The following LRBA variants were observed in gnomAD, a reference collection of about 807,000 sequenced individuals.
The protein encoded by LRBA is LPS responsive beige-like anchor protein.
Under a neutral mutation model 330.0 loss-of-function variants are expected in LRBA, and 176 were observed. The ratio of observed to expected loss-of-function variants is 0.53; its 90% confidence interval spans 0.47 to 0.60. LRBA has a LOEUF of 0.60. Ranked by LOEUF, LRBA falls within the 20% of genes least tolerant of loss-of-function variation. The probability of loss-of-function intolerance (pLI) is 0.00; values close to 1 mark genes in which losing one functional copy is unlikely to be tolerated. For missense variants in LRBA, 3,259 were observed against 3,444.8 expected, an observed-to-expected ratio of 0.95 and a Z score of 1.35; for synonymous variants, 1,230 against 1,193.0, an observed-to-expected ratio of 1.03 and a Z score of -0.64.
chr4:150,761,060 A>T (rs1735014297), intron 35 of LRBA, among the ~76,000 whole-genome samples: 1 of 152,174 alleles, frequency 6.6e-6, no homozygotes, highest in Non-Finnish European at 1.5e-5. Flanking sequence ...AAGTTTGTTC[A>T]GAATACTATC....
At chr4:150,421,155 T>C (rs866173469) in intron 46 of LRBA, among the ~76,000 whole-genome samples, 1 of 122,904 alleles carries the variant, frequency 8.1e-6, no homozygotes, top group Non-Finnish European at 1.6e-5. Flanking sequence ...CATTATATTA[T>C]ATATAAAGTA....
At chr4:150,930,087 G>A (rs1024520392) in intron 2 of LRBA, among the ~76,000 whole-genome samples, 1 of 152,116 alleles carries the variant, frequency 6.6e-6, no homozygotes, top group African/African-American at 2.4e-5. Flanking sequence ...GACCGAGGCA[G>A]GCGGACCACC....
chr4:150,555,221 A>G (rs777273523), intron 40 of LRBA, among the ~76,000 whole-genome samples: 7 of 152,138 alleles, frequency 4.6e-5, no homozygotes, highest in Non-Finnish European at 7.4e-5. Context: ...TAATTGTATA[A>G]AGAAATGCTA....
chr4:150,696,659 C>T (rs1335570477), intron 36 of LRBA, among the ~76,000 whole-genome samples: 1 of 151,920 alleles, frequency 6.6e-6, no homozygotes, highest in Admixed American at 6.6e-5. Context: ...GATAACTGCT[C>T]AAAGAGTTAT....
chr4:150,748,705 T>A (rs1260723848), intron 35 of LRBA, among the ~76,000 whole-genome samples: 1 of 152,048 alleles, frequency 6.6e-6, no homozygotes, highest in Non-Finnish European at 1.5e-5. Context: ...TGGATGCTTG[T>A]TGATATGGTT....
chr4:150,661,868 C>T (rs1321062230), intron 37 of LRBA, among the ~76,000 whole-genome samples: 1 of 152,148 alleles, frequency 6.6e-6, no homozygotes, highest in African/African-American at 2.4e-5. Context: ...GATCCACGAG[C>T]ATCGGCCTCC....
chr4:150,654,968 A>C (rs1780045367), intron 37 of LRBA, among the ~76,000 whole-genome samples: 2 of 152,062 alleles, frequency 1.3e-5, no homozygotes. Flanking sequence ...GTTGGTTCCA[A>C]GTCTTTGCTA....
chr4:150,367,184 A>G (rs1290359076), intron 47 of LRBA, among the ~76,000 whole-genome samples: 1 of 152,234 alleles, frequency 6.6e-6, no homozygotes, highest in Non-Finnish European at 1.5e-5. Context: ...TTAGAAAACT[A>G]AACTTATAAT....
At chr4:150,689,594 A>G (rs891334323) in intron 36 of LRBA, among the ~76,000 whole-genome samples, 5 of 152,148 alleles carry the variant, frequency 3.3e-5, no homozygotes, top group African/African-American at 4.8e-5. Context: ...TCAGGCCCAC[A>G]TGTTTATATC....
chr4:150,724,002 CTT>C (rs1346416078), intron 36 of LRBA, among the ~76,000 whole-genome samples: 1 of 152,280 alleles, frequency 6.6e-6, no homozygotes, highest in East Asian at 1.9e-4. Context: ...GTAGGAAAGA[CTT>C]TGTATTGTGG....
intron 40 of LRBA, among the ~76,000 whole-genome samples, chr4:150,559,747 TATATATAAC>T (rs1283088568): frequency 1.1e-5 from 1 of 88,892 alleles, no homozygotes; most frequent in African/African-American, 4.7e-5. Context: ...TAATATATAA[TATATATAAC>T]ATTATAGATT....
chr4:150,670,999 GATGTGTGTGT>G (rs1032337791), intron 37 of LRBA, among the ~76,000 whole-genome samples: 1 of 67,720 alleles, frequency 1.5e-5, no homozygotes, highest in African/African-American at 6.4e-5. Flanking sequence ...CAACATAGCT[GATGTGTGTGT>G]GTGTGTGTGT....
chr4:150,848,562 G>GAAAAAA (rs9331496), intron 26 of LRBA, among the ~76,000 whole-genome samples: 40 of 120,022 alleles, frequency 3.3e-4, no homozygotes, highest in Non-Finnish European at 3.6e-4. Context: ...GGAGAAAAAA[G>GAAAAAA]AAAAAAAAAA....
At chr4:150,632,212 CAG>C (rs1777450503) in intron 37 of LRBA, among the ~76,000 whole-genome samples, 1 of 132,196 alleles carries the variant, frequency 7.6e-6, no homozygotes, top group African/African-American at 2.9e-5. Flanking sequence ...GCCTGGGAGA[CAG>C]AGTGAGACTC....
At chr4:150,664,121 T>C (rs10155442) in intron 37 of LRBA, among the ~76,000 whole-genome samples, 123,690 of 152,144 alleles carry the variant, frequency 0.81, 53,380 homozygotes, top group Non-Finnish European at 0.95. Flanking sequence ...GGTTTTTCAA[T>C]GAAGTGGTTT....
At position 150,495,323 on chromosome 4, in the gene LRBA, T is replaced by C. The variant is rs535193324; in HGVS notation, c.6331-4288A>G. Among the ~76,000 whole-genome samples the C allele has an allele frequency of 1.8e-4, 28 of 152,320 alleles. No homozygotes were observed. In the South Asian group the frequency reaches 4.4e-3, roughly 24 times the overall value. Reference sequence around the variant, plus strand: ...TATAAATGGTATCATACTGAATGTATAATGATATGCTTTTCAAGTTAAACA... The same window carrying C: ...TATAAATGGTATCATACTGAATGTACAATGATATGCTTTTCAAGTTAAACA... On this transcript the variant is annotated intron_variant, in intron 40 of 56. Coordinates refer to ENST00000651943, the MANE Select transcript of LRBA (RefSeq NM_001364905.1).
chr4:150,435,693 A>T lies in LRBA; in HGVS notation c.6937T>A (p.Tyr2313Asn). The T allele has an allele frequency of 6.2e-7, 1 of 1,606,646 alleles. No individual in the cohort carries two copies. Among genetic ancestry groups the T allele is most frequent in the Non-Finnish European group, 8.5e-7 (1 of 1,177,806 alleles). Reference sequence around the variant, plus strand: ...TTGCCTCCTTGCAAATTTAGGAAATAAGTTGTAAAGGGTTCCTAAAAAATA... The same window carrying T: ...TTGCCTCCTTGCAAATTTAGGAAATTAGTTGTAAAGGGTTCCTAAAAAATA... ...WLLRIEPFTT[Y>N]FLNLQGGKFD... is the part of the protein sequence containing the mutation. Residue 2313 changes from tyrosine to asparagine, a missense_variant, in exon 46 of 57, where the codon TAT becomes AAT. Transcript: ENST00000651943.
intron 22 of LRBA, among the ~76,000 whole-genome samples, chr4:150,865,945 A>T (rs991319838): frequency 6.6e-6 from 1 of 152,066 alleles, no homozygotes; most frequent in African/African-American, 2.4e-5. Flanking sequence ...CCAACTTTTG[A>T]CCTCAGGTGA....
At chr4:150,797,211 T>C (rs1486166401) in intron 34 of LRBA, among the ~76,000 whole-genome samples, 1 of 151,892 alleles carries the variant, frequency 6.6e-6, no homozygotes, top group East Asian at 1.9e-4. Context: ...CTAAAACAAA[T>C]AAATCGATGC....
Sources: gnomAD v4.1 joint callset for allele counts (sites outside exome capture counted in the v4.1 genomes callset) on GRCh38, gnomAD v4.1.1 for gene constraint, MANE v1.5 for transcripts, NCBI Gene and HGNC (gene_info 2026-07-23, HGNC 2026-07-21) for gene names.